PPFIBP2: variants seen among roughly 807,000 people sequenced by gnomAD.
The protein encoded by PPFIBP2 is PPFIB scaffold protein 2.
PPFIBP2 carries 118 observed loss-of-function variants against 118.3 expected under a neutral mutation model. The ratio of observed to expected loss-of-function variants is 1.00; its 90% CI spans 0.86 to 1.16. The LOEUF (loss-of-function observed/expected upper bound fraction) is 1.16, where lower values mean the gene tolerates loss of function less well. Among genes scored for constraint, PPFIBP2 ranks in the 50% most tolerant of loss-of-function variants. PPFIBP2 has a pLI of 0.00. For missense variants in PPFIBP2, 1,195 were observed against 1,073.1 expected (o/e 1.11, Z -1.59); for synonymous variants, 414 against 397.4 (o/e 1.04, Z -0.50).
At chr11:7,577,340 T>TGCGG in intron 3 of PPFIBP2, 2 of 333,886 alleles carry the variant, frequency 6.0e-6, no homozygotes, top group Non-Finnish European at 6.0e-6. Flanking sequence ...TGTGTGTGTG[T>TGCGG]GTGTGTGTGT....
In PPFIBP2 at chr11:7,565,466, C is replaced by T. The variant is rs555998152; in HGVS notation, c.65-87C>T. 211 of 1,372,024 alleles carry T rather than the reference C, an allele frequency of 1.5e-4. 1 individual carries two copies. The East Asian group carries it at 4.1e-3, about 27-fold the overall frequency. The allele number at this position is 1,372,024 out of a possible 1,614,324, so 85.0% of individuals were successfully genotyped here. ...CCAGCTTCTTATCTGTCCCTTTCAC[C>T]GTTTCTTCACCACCTTTGCTCTTTA... On this transcript the variant is annotated intron_variant, in intron 2 of 23. Transcript: ENST00000299492.
intron 2 of PPFIBP2, among the ~76,000 whole-genome samples, chr11:7,562,644 G>A (rs551048888): frequency 6.6e-6 from 1 of 152,086 alleles, no homozygotes; most frequent in East Asian, 1.9e-4. Flanking sequence ...ATCTCCCTTT[G>A]TATAGATGTT....
chr11:7,577,640 TA>T (rs1195075838), intron 3 of PPFIBP2: 3 of 455,452 alleles, frequency 6.6e-6, no homozygotes, highest in Non-Finnish European at 1.3e-5. Context: ...CTGAAGAGGG[TA>T]AGTGACTGGC....
At chr11:7,650,731 ATTG>A (rs1853861116) in intron 21 of PPFIBP2, 106 bp from the exon 22 acceptor site, 11 of 1,235,406 alleles carry the variant, frequency 8.9e-6, no homozygotes, top group Admixed American at 2.2e-5. Context: ...AGGGCCTTCT[ATTG>A]TTGTGATGCG....
downstream of PPFIBP2, chr11:7,656,772 G>T (rs1336271331): frequency 1.7e-5 from 22 of 1,289,716 alleles, no homozygotes; most frequent in Non-Finnish European, 2.2e-5. Context: ...TCGCCTGCCT[G>T]CCCCCAACTC....
the PPFIBP2 span, among the ~76,000 whole-genome samples, chr11:7,664,873 C>T: frequency 1.5e-5 from 2 of 135,004 alleles, no homozygotes; most frequent in African/African-American, 5.6e-5. Flanking sequence ...GTTTCTGGAA[C>T]CTGACTTTGA....
At chr11:7,519,490 A>C (rs1018594115) in intron 1 of PPFIBP2, among the ~76,000 whole-genome samples, 2 of 152,156 alleles carry the variant, frequency 1.3e-5, no homozygotes, top group African/African-American at 4.8e-5. Flanking sequence ...GGCCATTTGG[A>C]CCGTTATCTA....
chr11:7,565,423 G>A lies in PPFIBP2; in HGVS notation c.65-130G>A, dbSNP rs567056742. ...GTAGCTGAGACTACAGGCGTGCACCGCCATGCCCAGCTCACCCCCAGCTTC... is the reference window on the plus strand; with the variant it reads ...GTAGCTGAGACTACAGGCGTGCACCACCATGCCCAGCTCACCCCCAGCTTC... On this transcript the variant is annotated intron_variant, in intron 2 of 23. Transcript: ENST00000299492. 71 of 921,894 alleles carry A rather than the reference G, an allele frequency of 7.7e-5. No homozygotes were observed. The Admixed American group carries it at 1.1e-3, about 15-fold the overall frequency. 57.1% of individuals were successfully genotyped at this position (921,894 alleles called of 1,614,324 possible). A position where few individuals can be genotyped will look rare whatever the true frequency, so the allele number is the denominator to read the frequency against.
At chr11:7,555,012 T>TA (rs5789527) in intron 2 of PPFIBP2, among the ~76,000 whole-genome samples, 45,719 of 151,842 alleles carry the variant, frequency 0.3, 7,713 homozygotes, top group African/African-American at 0.46. Context: ...GCTTGCAAAT[T>TA]CACTGTAATT....
chr11:7,627,908 T>C (rs1306752968), intron 8 of PPFIBP2, among the ~76,000 whole-genome samples: 1 of 152,224 alleles, frequency 6.6e-6, no homozygotes, highest in African/African-American at 2.4e-5. Flanking sequence ...TCAGACTGTA[T>C]GATTTTCTTC....
At chr11:7,543,608 G>A (rs1003269129) in intron 1 of PPFIBP2, among the ~76,000 whole-genome samples, 9 of 152,336 alleles carry the variant, frequency 5.9e-5, no homozygotes, top group African/African-American at 2.2e-4. Flanking sequence ...GGCTATGTGA[G>A]CCTGCTCCAA....
At chr11:7,652,878 G>A in intron 23 of PPFIBP2, 146 bp from the exon 24 acceptor site, 1 of 952,996 alleles carries the variant, frequency 1.0e-6, no homozygotes, top group Non-Finnish European at 1.6e-6. Context: ...GCTTCCAAGA[G>A]CTCTGTTTTG....
At chr11:7,662,048 CGT>C (rs1854900560), downstream of PPFIBP2, among the ~76,000 whole-genome samples, 1 of 141,202 alleles carries the variant, frequency 7.1e-6, no homozygotes, top group African/African-American at 2.7e-5. Flanking sequence ...TGTCTCTGCA[CGT>C]GAGATGGGTT....
rs894230172 is a variant in PPFIBP2, at chr11:7,609,068, C to T, written c.487-1223C>T. ...CCATCCCCTCAGACTAGCAGATGAA[C>T]AGTTTGTTGCCTACCTTTCCCAGGT... On this transcript the variant is annotated intron_variant, in intron 5 of 23. Coordinates refer to ENST00000299492, the MANE Select transcript of PPFIBP2 (RefSeq NM_003621.5). Among the ~76,000 whole-genome samples the T allele has an allele frequency of 6.2e-4, 94 of 152,200 alleles. 1 individual carries two copies. The highest frequency in any genetic ancestry group is 2.2e-3 in the African/African-American group (90 of 41,452).
intron 16 of PPFIBP2, 154 bp from the exon 17 acceptor site, chr11:7,642,144 C>G: frequency 1.1e-6 from 1 of 869,658 alleles, no homozygotes; most frequent in South Asian, 1.9e-5. Flanking sequence ...GGAGCTGCGA[C>G]AGGTTGTGAT....
intron 16 of PPFIBP2, 177 bp from the exon 17 acceptor site, chr11:7,642,121 T>G: frequency 2.9e-6 from 2 of 695,074 alleles, no homozygotes; most frequent in Non-Finnish European, 4.5e-6. Flanking sequence ...AATTGAGGCT[T>G]GAGTCTGGCC....
At chr11:7,622,955 G>A (rs940712317) in intron 7 of PPFIBP2, among the ~76,000 whole-genome samples, 2 of 152,176 alleles carry the variant, frequency 1.3e-5, no homozygotes, top group Non-Finnish European at 2.9e-5. Flanking sequence ...TAACTACCAG[G>A]TGTGGAGCAC....
Position 7,651,767 on chromosome 11 carries a change from C to T in PPFIBP2, c.2359C>T (p.Pro787Ser), listed in dbSNP as rs1191779592. 2 of 1,614,096 alleles carry T rather than the reference C, an allele frequency of 1.2e-6. No individual in the cohort carries two copies. Among genetic ancestry groups the T allele is most frequent in the Non-Finnish European group, 1.7e-6 (2 of 1,179,962 alleles). The stretch of plus-strand genomic sequence containing the variant: ...CACCAAGTTCAATGCCTTGATTGGT[C>T]CGGAGGCTGAACAGGAGAAGCGAGA... ...LTTKFNALIG[P>S]EAEQEKREKM... Residue 787 changes from proline (P) to serine (S), a missense_variant, in exon 23 of 24, where the codon CCG becomes TCG. By Grantham distance (74) the Pro-to-Ser change is moderately conservative. Transcript: ENST00000299492.
intron 14 of PPFIBP2, among the ~76,000 whole-genome samples, chr11:7,636,707 A>T (rs1459833995): frequency 6.6e-6 from 1 of 152,238 alleles, no homozygotes; most frequent in Non-Finnish European, 1.5e-5. Context: ...ATTACCAAGA[A>T]ATATAAGTAA....
Sources: allele counts gnomAD v4.1 joint callset (sites outside exome capture counted in the v4.1 genomes callset), GRCh38; gene constraint gnomAD v4.1.1; transcripts MANE v1.5; gene names NCBI Gene and HGNC (gene_info 2026-07-23, HGNC 2026-07-21).